The following MTG1 variants were observed in gnomAD, a reference collection of about 807,000 sequenced individuals.
The protein encoded by MTG1 is mitochondrial ribosome-associated GTPase 1.
Under a neutral mutation model 39.5 loss-of-function variants are expected in MTG1, and 30 were observed. That is an observed-to-expected ratio of 0.76 (90% CI 0.57 to 1.03). The LOEUF is 1.03. MTG1 is among the 50% of genes least tolerant of loss of function. The probability of loss-of-function intolerance (pLI) is 0.00; values close to 1 mark genes in which losing one functional copy is unlikely to be tolerated. For synonymous variants in MTG1, 217 were observed against 179.0 expected, an observed-to-expected ratio of 1.21 and a Z score of -1.69; for missense variants, 513 against 447.4, an observed-to-expected ratio of 1.15 and a Z score of -1.32.
chr10:133,402,550 C>G lies in MTG1; in HGVS notation c.671-142C>G, dbSNP rs1260660072. ...CGGGACCACAGCCGAGTGCCGTCCT[C>G]TTGGTTAGTGTCTTTGTCAGTGGCT... On this transcript the variant is annotated intron_variant, in intron 8 of 10. Transcript: ENST00000317502. This position sits in a 1 kb window ranked among gnomAD's most constrained non-coding sequence, Gnocchi z 4.7. The G allele has an allele frequency of 3.7e-6, 3 of 808,246 alleles. No individual in the cohort carries two copies. Among genetic ancestry groups the G allele is most frequent in the Admixed American group, 5.2e-5 (2 of 38,732 alleles). The allele number at this position is 808,246 out of a possible 1,614,324, so 50.1% of individuals were successfully genotyped here.
chr10:133,396,019 G>C (rs1467531191), intron 2 of MTG1, 144 bp from the exon 3 acceptor site: 1 of 857,342 alleles, frequency 1.2e-6, no homozygotes, highest in Non-Finnish European at 1.9e-6. Context: ...CTATGAAACT[G>C]TTTAAATGTT....
At chr10:133,418,098 G>A (rs905060868) in intron 9 of MTG1, among the ~76,000 whole-genome samples, 1 of 152,186 alleles carries the variant, frequency 6.6e-6, no homozygotes, top group African/African-American at 2.4e-5. Context: ...CCACCTCCTG[G>A]GTTCAAGCGA....
intron 9 of MTG1, among the ~76,000 whole-genome samples, chr10:133,412,699 C>G (rs1850064677): frequency 6.6e-6 from 1 of 152,152 alleles, no homozygotes; most frequent in South Asian, 2.1e-4. Flanking sequence ...CTTAGATGCC[C>G]TTTATCAGGT....
chr10:133,395,528 G>A (rs181273714), intron 1 of MTG1, among the ~76,000 whole-genome samples, 185 bp from the exon 2 acceptor site: 2 of 152,328 alleles, frequency 1.3e-5, no homozygotes, highest in Admixed American at 6.5e-5. Context: ...CTCCCACTCC[G>A]AGGGTGCGGA....
intron 9 of MTG1, among the ~76,000 whole-genome samples, chr10:133,416,853 G>A (rs906070677): frequency 9.9e-5 from 15 of 151,354 alleles, no homozygotes; most frequent in South Asian, 2.1e-4. Context: ...GAATAATGCC[G>A]CAATAAACAC....
intron 4 of MTG1, 103 bp downstream of exon 4, chr10:133,398,618 G>T: frequency 7.5e-7 from 1 of 1,336,518 alleles, no homozygotes; most frequent in Non-Finnish European, 1.0e-6. Context: ...CTTTGGAAAA[G>T]ATCCTAGGTG....
intron 7 of MTG1, chr10:133,401,879 C>T (rs1229406297): frequency 1.5e-5 from 9 of 607,178 alleles, no homozygotes; most frequent in East Asian, 8.3e-5. Context: ...TGGCGCCCCC[C>T]GCCCCACCCT....
Position 133,420,187 on chromosome 10 carries a change from C to T in MTG1, c.*22C>T, listed in dbSNP as rs769785191. 2.0e-5 allele frequency: 32 copies of T among 1,590,482 alleles called. No homozygotes were observed. The highest frequency in any genetic ancestry group is 1.1e-4 in the South Asian group (10 of 88,298). ...CTGAACTTGTCCGGGTAGGGAGGGC[C>T]GGAGGCATGTGGCCTCCCAGACCTC... On this transcript the variant is annotated 3_prime_UTR_variant, in exon 11 of 11. Transcript: ENST00000317502.
At chr10:133,395,629 G>T (rs527266249) in intron 1 of MTG1, 84 bp from the exon 2 acceptor site, 1 of 1,251,950 alleles carries the variant, frequency 8.0e-7, no homozygotes, top group Non-Finnish European at 1.2e-6. Context: ...TTATGGTGGC[G>T]TGTCATTCTG....
chr10:133,410,336 T>C (rs1051107679), intron 9 of MTG1, among the ~76,000 whole-genome samples: 4 of 152,198 alleles, frequency 2.6e-5, no homozygotes, highest in African/African-American at 9.7e-5. Context: ...GGATTACAAA[T>C]GTGAGCCACT....
chr10:133,418,141 T>C (rs1288118095), intron 9 of MTG1, among the ~76,000 whole-genome samples: 4 of 152,178 alleles, frequency 2.6e-5, no homozygotes, highest in Non-Finnish European at 5.9e-5. Flanking sequence ...GTAGCTGGGA[T>C]TACAAGCATG....
At chr10:133,417,462 T>C (rs1390492185) in intron 9 of MTG1, among the ~76,000 whole-genome samples, 2 of 148,836 alleles carry the variant, frequency 1.3e-5, no homozygotes, top group Admixed American at 1.3e-4. Context: ...CTTTGAAAAC[T>C]GGCACAAGAC....
intron 3 of MTG1, 56 bp downstream of exon 3, chr10:133,396,323 G>T (rs760184982): frequency 8.1e-6 from 12 of 1,477,336 alleles, no homozygotes; most frequent in Non-Finnish European, 1.1e-5. Flanking sequence ...TCCCGAGGTC[G>T]CTTGTTCTAA....
At chr10:133,395,918 A>G in intron 2 of MTG1, 141 bp downstream of exon 2, 1 of 905,668 alleles carries the variant, frequency 1.1e-6, no homozygotes, top group Non-Finnish European at 1.7e-6. Flanking sequence ...TGGGGTCCAG[A>G]CTGCGTGTCT....
intron 9 of MTG1, among the ~76,000 whole-genome samples, chr10:133,408,808 GT>G (rs1850005415): frequency 6.6e-6 from 1 of 152,084 alleles, no homozygotes; most frequent in African/African-American, 2.4e-5. Context: ...CATCCCTTTC[GT>G]CTGGGTTTTC....
At chr10:133,411,221 T>G (rs1850041404) in intron 9 of MTG1, among the ~76,000 whole-genome samples, 1 of 152,160 alleles carries the variant, frequency 6.6e-6, no homozygotes, top group South Asian at 2.1e-4. Context: ...CATTTTTTTT[T>G]CCTTCAGCAC....
chr10:133,415,925 A>C (rs2133514513), intron 9 of MTG1, among the ~76,000 whole-genome samples: 1 of 108,408 alleles, frequency 9.2e-6, no homozygotes, highest in African/African-American at 3.3e-5. Context: ...GCACACAGGT[A>C]TCACGTGGGT....
Position 133,420,133 on chromosome 10 carries a change from C to T in MTG1, c.973C>T (p.Arg325Trp), listed in dbSNP as rs762012935. The part of the protein sequence containing the change: ...GSVMLDLDVL[R>W]GHPPAETLP The stretch of plus-strand genomic sequence containing the variant: ...CGTGATGCTGGACCTCGACGTCCTG[C>T]GGGGCCACCCCCCGGCTGAGACTTT... The change falls in exon 11 of 11, where the codon CGG (arginine) becomes TGG (tryptophan). Residue 325 changes from arginine to tryptophan, a missense_variant. Coordinates refer to ENST00000317502, the MANE Select transcript of MTG1 (RefSeq NM_138384.4). The T allele has an allele frequency of 1.5e-5, 24 of 1,612,516 alleles. No homozygotes were observed. Among genetic ancestry groups the T allele is most frequent in the East Asian group, 6.7e-5 (3 of 44,866 alleles).
At chr10:133,397,462 CTT>C (rs1389962295) in intron 3 of MTG1, among the ~76,000 whole-genome samples, 2 of 146,996 alleles carry the variant, frequency 1.4e-5, no homozygotes, top group East Asian at 1.9e-4. Context: ...TCTTTTATCT[CTT>C]TGTCTTGTGT....
Sources: allele counts gnomAD v4.1 joint callset (sites outside exome capture counted in the v4.1 genomes callset), GRCh38; gene constraint gnomAD v4.1.1; non-coding constraint Gnocchi (gnomAD v3.1); transcripts MANE v1.5; gene names NCBI Gene and HGNC (gene_info 2026-07-23, HGNC 2026-07-21).